EPHA3: variants seen among roughly 807,000 people sequenced by gnomAD.
The protein encoded by EPHA3 is ephrin type-A receptor 3.
In EPHA3, 42 loss-of-function variants were observed where a neutral mutation model predicts 107.1. The ratio of observed to expected loss-of-function variants is 0.39; its 90% CI spans 0.31 to 0.51. The LOEUF (loss-of-function observed/expected upper bound fraction) is 0.51, where lower values mean the gene tolerates loss of function less well. Ranked by LOEUF, EPHA3 falls within the 20% of genes least tolerant of loss-of-function variation. EPHA3 has a pLI of 0.78. For missense variants in EPHA3, 1,183 were observed against 1,211.2 expected (o/e 0.98, Z 0.35); for synonymous variants, 461 against 424.8 (o/e 1.09, Z -1.05).
At chr3:89,375,482 G>C (rs1482803816) in intron 5 of EPHA3, among the ~76,000 whole-genome samples, 1 of 151,678 alleles carries the variant, frequency 6.6e-6, no homozygotes, top group African/African-American at 2.4e-5. Context: ...TCCTGTTGCT[G>C]AAGAGTGGGA....
intron 5 of EPHA3, among the ~76,000 whole-genome samples, chr3:89,392,510 C>A (rs772966618): frequency 6.6e-6 from 1 of 151,146 alleles, no homozygotes. Flanking sequence ...AGCATTTTTG[C>A]CAAAAAATCC....
In EPHA3 at chr3:89,110,762, G is replaced by A. The variant is rs147410898; in HGVS notation, c.88+2926G>A. Among the ~76,000 whole-genome samples, 177 of 151,846 alleles carry A rather than the reference G, an allele frequency of 1.2e-3. 1 individual carries two copies. The highest frequency in any genetic ancestry group is 3.4e-3 in the Middle Eastern group (1 of 294). The stretch of plus-strand genomic sequence containing the variant: ...CTTACTCCTAGTTTCCATACCACAG[G>A]GATGATTAATGGTAAACAGAAATAA... On this transcript the variant is annotated intron_variant, in intron 1 of 16. Transcript: ENST00000336596.
At chr3:89,402,521 C>T (rs1708984197) in intron 7 of EPHA3, among the ~76,000 whole-genome samples, 1 of 151,902 alleles carries the variant, frequency 6.6e-6, no homozygotes, top group Admixed American at 6.6e-5. Context: ...TTTTTTGTCT[C>T]ACTCTCCCTA....
chr3:89,388,490 A>G (rs1181851608), intron 5 of EPHA3, among the ~76,000 whole-genome samples: 1 of 152,212 alleles, frequency 6.6e-6, no homozygotes, highest in Non-Finnish European at 1.5e-5. Context: ...ATATTAGCAA[A>G]GGATTTTGGA....
intron 3 of EPHA3, among the ~76,000 whole-genome samples, chr3:89,253,823 GT>G (rs35269238): frequency 0.52 from 77,703 of 150,274 alleles, 21,335 homozygotes; most frequent in African/African-American, 0.72. Context: ...AATAAGAGGA[GT>G]TTTTTTTTTA....
intron 6 of EPHA3, among the ~76,000 whole-genome samples, chr3:89,398,308 A>C (rs1446295945): frequency 1.3e-5 from 2 of 152,208 alleles, no homozygotes; most frequent in Non-Finnish European, 2.9e-5. Flanking sequence ...GTATAATAAT[A>C]TATGTGAGAG....
intron 2 of EPHA3, among the ~76,000 whole-genome samples, chr3:89,165,964 A>G (rs1288644593): frequency 6.6e-6 from 1 of 152,218 alleles, no homozygotes; most frequent in Non-Finnish European, 1.5e-5. Context: ...AGATGCTATC[A>G]TCATCTTTGT....
chr3:89,472,387 T>C (rs1710420360), intron 15 of EPHA3, 77 bp from the exon 16 acceptor site: 2 of 1,452,590 alleles, frequency 1.4e-6, no homozygotes, highest in Non-Finnish European at 1.9e-6. Context: ...TTCCTGCCGA[T>C]GTTAGTGTCA....
intron 2 of EPHA3, among the ~76,000 whole-genome samples, chr3:89,164,484 C>G (rs1705020208): frequency 6.6e-6 from 1 of 152,154 alleles, no homozygotes; most frequent in African/African-American, 2.4e-5. Flanking sequence ...ATTTTTCAGA[C>G]CTGTGTCACA....
intron 5 of EPHA3, among the ~76,000 whole-genome samples, chr3:89,360,520 C>T (rs1708071749): frequency 6.6e-6 from 1 of 150,962 alleles, no homozygotes; most frequent in Non-Finnish European, 1.5e-5. Context: ...TCATTTGGCG[C>T]TTCTCTTTCT....
chr3:89,205,512 G>A (rs1451344057), intron 2 of EPHA3, among the ~76,000 whole-genome samples: 1 of 152,060 alleles, frequency 6.6e-6, no homozygotes, highest in Non-Finnish European at 1.5e-5. Flanking sequence ...GGATGCATAG[G>A]TTTCTTATAC....
intron 3 of EPHA3, among the ~76,000 whole-genome samples, chr3:89,293,677 T>C (rs1706273474): frequency 6.6e-6 from 1 of 152,084 alleles, no homozygotes; most frequent in African/African-American, 2.4e-5. Context: ...CTTCCCTCCT[T>C]GCTCTTTCTC....
chr3:89,417,195 C>A (rs1309208799), intron 10 of EPHA3, among the ~76,000 whole-genome samples: 1 of 151,360 alleles, frequency 6.6e-6, no homozygotes, highest in African/African-American at 2.4e-5. Context: ...CAATAAGTGT[C>A]CCCCATAGAG....
intron 11 of EPHA3, among the ~76,000 whole-genome samples, chr3:89,428,548 A>C (rs115760057): frequency 6.6e-6 from 1 of 152,050 alleles, no homozygotes; most frequent in Non-Finnish European, 1.5e-5. Flanking sequence ...GTGTTAAACA[A>C]ATTTTGTAAA....
intron 13 of EPHA3, among the ~76,000 whole-genome samples, chr3:89,445,930 C>T (rs960329676): frequency 4.6e-5 from 7 of 152,144 alleles, no homozygotes; most frequent in African/African-American, 1.7e-4. Context: ...GTCACCTGAT[C>T]AGCAAGTATG....
At chr3:89,353,102 G>T (rs116793832) in intron 5 of EPHA3, among the ~76,000 whole-genome samples, 4 of 151,014 alleles carry the variant, frequency 2.6e-5, no homozygotes, top group African/African-American at 9.7e-5. Context: ...TATCAGTCAG[G>T]CTTCAGCATT....
rs1273674064 is a variant in EPHA3, at chr3:89,358,318, AAACATTTGG to A, written c.1306+16236_1306+16244del. ...ATACTTGGTAGTTAATATCTTTCAT[AAACATTTGG>A]AACATTTAGCAGTAAATGTGGTCTA... On this transcript the variant is annotated intron_variant, in intron 5 of 16. Coordinates refer to ENST00000336596, the MANE Select transcript of EPHA3 (RefSeq NM_005233.6). Among the ~76,000 whole-genome samples the A allele has an allele frequency of 1.6e-4, 24 of 151,080 alleles. 1 individual carries two copies. The highest frequency in any genetic ancestry group is 3.0e-5 in the Non-Finnish European group (2 of 67,484).
intron 2 of EPHA3, among the ~76,000 whole-genome samples, chr3:89,154,909 T>A (rs1377586411): frequency 6.8e-6 from 1 of 147,974 alleles, no homozygotes; most frequent in Non-Finnish European, 1.5e-5. Context: ...ATTATAATTA[T>A]ATAATATTTA....
At chr3:89,455,199 G>A (rs1338934359) in intron 15 of EPHA3, among the ~76,000 whole-genome samples, 2 of 152,116 alleles carry the variant, frequency 1.3e-5, no homozygotes, top group Non-Finnish European at 2.9e-5. Context: ...GTACAGACCA[G>A]AGGAAGGAAA....
Sources: allele counts gnomAD v4.1 joint callset (sites outside exome capture counted in the v4.1 genomes callset), GRCh38; gene constraint gnomAD v4.1.1; transcripts MANE v1.5; gene names NCBI Gene and HGNC (gene_info 2026-07-23, HGNC 2026-07-21).